The following SUPT16H variants were observed in gnomAD, a reference collection of about 807,000 sequenced individuals.
SUPT16H encodes SPT16 homolog, facilitates chromatin remodeling subunit.
SUPT16H carries 24 observed loss-of-function variants against 136.2 expected under a neutral mutation model. The ratio of observed to expected loss-of-function variants is 0.18; its 90% CI spans 0.13 to 0.25. The LOEUF (loss-of-function observed/expected upper bound fraction) is 0.25. SUPT16H is among the 10% of genes least tolerant of loss of function. The probability of loss-of-function intolerance (pLI) is 1.00; values close to 1 mark genes in which losing one functional copy is unlikely to be tolerated. For synonymous variants in SUPT16H, 415 were observed against 428.2 expected (o/e 0.97, Z 0.38); for missense variants, 623 against 1,270.2 (o/e 0.49, Z 7.74).
chr14:21,362,335 GA>G lies in SUPT16H; in HGVS notation c.1666-12del. 6.2e-7 allele frequency: 1 copy of G among 1,604,566 alleles called. No individual in the cohort carries two copies. Among genetic ancestry groups the G allele is most frequent in the Non-Finnish European group, 8.5e-7 (1 of 1,176,962 alleles). ...GGACATACTTATATTCTGTTCAAAG[GA>G]AAAGCATAAAAAGTAAACAGATTTC... On this transcript the variant is annotated splice_polypyrimidine_tract_variant and intron_variant, in intron 14 of 25. Transcript: ENST00000216297.
Position 21,353,572 on chromosome 14 carries a change from GA to G in SUPT16H, c.2921-8del, listed in dbSNP as rs1403618128. ...AATGACTCCTTAGAATAGTCTGGAA[GA>G]AAATTAATTAAGCGTTAGTCATCAT... On this transcript the variant is annotated splice_region_variant and splice_polypyrimidine_tract_variant and intron_variant, in intron 24 of 25. Coordinates refer to ENST00000216297, the MANE Select transcript of SUPT16H (RefSeq NM_007192.4). The G allele has an allele frequency of 6.2e-7, 1 of 1,613,368 alleles. No homozygotes were observed. Among genetic ancestry groups the G allele is most frequent in the Non-Finnish European group, 8.5e-7 (1 of 1,179,800 alleles).
At chr14:21,373,808 ACCT>A (rs1886839028) in intron 1 of SUPT16H, among the ~76,000 whole-genome samples, 7 of 151,990 alleles carry the variant, frequency 4.6e-5, no homozygotes. Flanking sequence ...GCTCACTGCA[ACCT>A]CCGCCTCCTG....
At chr14:21,359,005 CT>C in intron 19 of SUPT16H, among the ~76,000 whole-genome samples, 1 of 152,218 alleles carries the variant, frequency 6.6e-6, no homozygotes. Flanking sequence ...CAGCGTTTCA[CT>C]GTGTTAGCCA....
At position 21,375,262 on chromosome 14, in the gene SUPT16H, C is replaced by CG. The variant is rs1555310658; in HGVS notation, c.67-1833_67-1832insC. On this transcript the variant is annotated intron_variant, in intron 1 of 25. Transcript: ENST00000216297. The stretch of plus-strand genomic sequence containing the variant: ...CTCCTGACCTCAAGTGATCCGCCCC[C>CG]ACTTGGCCTCCTGAAGTGCTGGGAT... Among the ~76,000 whole-genome samples, 18 of 151,796 alleles carry CG rather than the reference C, an allele frequency of 1.2e-4. 2 individuals carry two copies. The South Asian group carries it at 3.6e-3, about 30-fold the overall frequency.
intron 19 of SUPT16H, 60 bp downstream of exon 19, chr14:21,359,424 C>T: frequency 2.5e-6 from 4 of 1,587,778 alleles, no homozygotes; most frequent in Non-Finnish European, 3.4e-6. Context: ...AATCCCTGAG[C>T]TTGGATTTGG....
intron 18 of SUPT16H, 59 bp downstream of exon 18, chr14:21,360,356 C>G (rs748324695): frequency 1.0e-5 from 13 of 1,303,892 alleles, no homozygotes; most frequent in Admixed American, 7.8e-5. Context: ...AGGAAAGAAG[C>G]TGAGTGAAAT....
intron 17 of SUPT16H, 96 bp downstream of exon 17, chr14:21,360,750 G>T: frequency 2.0e-6 from 3 of 1,514,384 alleles, no homozygotes; most frequent in Non-Finnish European, 2.7e-6. Context: ...GAGCTAACCG[G>T]CGGATGGCTC....
In SUPT16H at chr14:21,352,643, A is replaced by G; in HGVS notation, c.*30T>C. 1 of 1,612,432 alleles carries G rather than the reference A, an allele frequency of 6.2e-7. No homozygotes were observed. The stretch of plus-strand genomic sequence containing the variant: ...AAATTTTCAGGGGTTGGCTGGAGGA[A>G]GAATGGAGCTCAGGGCCAAAGTTCA... On this transcript the variant is annotated 3_prime_UTR_variant, in exon 26 of 26. Transcript: ENST00000216297.
At chr14:21,354,583 T>C in intron 22 of SUPT16H, 43 bp from the exon 23 acceptor site, 2 of 1,605,160 alleles carry the variant, frequency 1.2e-6, no homozygotes, top group Non-Finnish European at 1.7e-6. Context: ...TCTTCTGTAT[T>C]TTCCATATAT....
intron 7 of SUPT16H, among the ~76,000 whole-genome samples, chr14:21,367,061 T>C (rs8022755): frequency 0.89 from 134,981 of 152,202 alleles, 60,090 homozygotes; most frequent in Middle Eastern, 0.94. Flanking sequence ...CTGCGTCAGC[T>C]TCCCGAGTAG....
chr14:21,353,451 T>G (rs1276692740), intron 25 of SUPT16H, 37 bp downstream of exon 25: 2 of 1,586,260 alleles, frequency 1.3e-6, no homozygotes, highest in Admixed American at 3.4e-5. Flanking sequence ...AATTTGTGCG[T>G]AGACAAATGA....
chr14:21,369,452 A>G lies in SUPT16H; in HGVS notation c.631-97T>C, dbSNP rs1413711786. The G allele has an allele frequency of 2.0e-5, 29 of 1,476,904 alleles. No individual in the cohort carries two copies. In the East Asian group the frequency reaches 6.6e-4, roughly 34 times the overall value. The allele number at this position is 1,476,904 out of a possible 1,614,324, so 91.5% of individuals were successfully genotyped here. The stretch of plus-strand genomic sequence containing the variant: ...TTGAAGACAAAATGTATCCTTGTAT[A>G]AGTCTTAGGAAATGATTTATGCGCC... On this transcript the variant is annotated intron_variant, in intron 5 of 25. Coordinates refer to ENST00000216297, the MANE Select transcript of SUPT16H (RefSeq NM_007192.4).
rs1356279781 is a variant in SUPT16H, at chr14:21,384,005, A to G, written c.-78T>C. ...TCAGCCACCCGCTCTCGGCCCAGGA[A>G]TCCCGCACTCTCCCAATGACCCGGA... On this transcript the variant is annotated 5_prime_UTR_variant, in exon 1 of 26. Coordinates refer to ENST00000216297, the MANE Select transcript of SUPT16H (RefSeq NM_007192.4). The G allele has an allele frequency of 1.3e-6, 2 of 1,535,748 alleles. No homozygotes were observed. The highest frequency in any genetic ancestry group is 2.2e-5 in the South Asian group (2 of 89,320).
At position 21,352,576 on chromosome 14, in the gene SUPT16H, C is replaced by A; in HGVS notation, c.*97G>T. The A allele has an allele frequency of 1.3e-6, 2 of 1,580,144 alleles. No homozygotes were observed. The highest frequency in any genetic ancestry group is 2.2e-5 in the East Asian group (1 of 44,542). ...CCCATAAACACAAATGGCAAAACTTCAAATGAAAACGAAAGGAAAAATACA... is the reference window on the plus strand; with the variant it reads ...CCCATAAACACAAATGGCAAAACTTAAAATGAAAACGAAAGGAAAAATACA... On this transcript the variant is annotated 3_prime_UTR_variant, in exon 26 of 26. Transcript: ENST00000216297.
chr14:21,353,763 C>T lies in SUPT16H; in HGVS notation c.2860G>A (p.Asp954Asn), dbSNP rs1886372447. 1 of 1,613,956 alleles carries T rather than the reference C, an allele frequency of 6.2e-7. No homozygotes were observed. The highest frequency in any genetic ancestry group is 8.5e-7 in the Non-Finnish European group (1 of 1,179,962). The part of the protein sequence containing the change: ...EDETFNPSED[D>N]YEEEEEDSDE... Reference sequence around the variant, plus strand: ...CTGTCCTCCTCTTCCTCTTCATAGTCATCTTCTGAAGGATTAAAAGTCTCA... The same window carrying T: ...CTGTCCTCCTCTTCCTCTTCATAGTTATCTTCTGAAGGATTAAAAGTCTCA... Residue 954 changes from aspartate to asparagine, a missense_variant, in exon 24 of 26, where the codon GAC (aspartate) becomes AAC (asparagine). Asp to Asn is a conservative substitution (Grantham distance 23). Transcript: ENST00000216297.
intron 17 of SUPT16H, 30 bp downstream of exon 17, chr14:21,360,816 A>G: frequency 6.3e-7 from 1 of 1,589,440 alleles, no homozygotes; most frequent in Non-Finnish European, 8.5e-7. Flanking sequence ...CCTGAAGAGA[A>G]AGCCTAGGTA....
In SUPT16H at chr14:21,363,456, A is replaced by G. The variant is rs760775963; in HGVS notation, c.1281T>C (p.Asn427=). Residue 427 remains asparagine, a synonymous_variant, in exon 11 of 26, where the codon AAT becomes AAC. Coordinates refer to ENST00000216297, the MANE Select transcript of SUPT16H (RefSeq NM_007192.4). ...TTCCTACCTTTAGGAAAATCCCCAC[A>G]TTCTTCACTTTCTTCTTCACAGAAG... ...VLTSVKKKVK[N]VGIFLKNEDE... 1 of 1,613,940 alleles carries G rather than the reference A, an allele frequency of 6.2e-7. No homozygotes were observed. The highest frequency in any genetic ancestry group is 1.1e-5 in the South Asian group (1 of 91,068).
At chr14:21,353,912 A>G in intron 23 of SUPT16H, 80 bp from the exon 24 acceptor site, 2 of 1,361,052 alleles carry the variant, frequency 1.5e-6, no homozygotes, top group South Asian at 1.6e-5. Flanking sequence ...CCCACATAGT[A>G]TACCAGTATT....
At chr14:21,375,432 T>C (rs964694265) in intron 1 of SUPT16H, among the ~76,000 whole-genome samples, 5 of 152,200 alleles carry the variant, frequency 3.3e-5, no homozygotes, top group Non-Finnish European at 7.3e-5. Flanking sequence ...TCTGCCATTT[T>C]GTAGCTGAGT....
Sources: allele counts gnomAD v4.1 joint callset (sites outside exome capture counted in the v4.1 genomes callset), GRCh38; gene constraint gnomAD v4.1.1; transcripts MANE v1.5; gene names NCBI Gene and HGNC (gene_info 2026-07-23, HGNC 2026-07-21).